Variants in CARMIL1 observed in about 807,000 individuals in gnomAD.
CARMIL1 encodes F-actin-uncapping protein LRRC16A.
In CARMIL1, 90 loss-of-function variants were observed where a neutral mutation model predicts 177.1. The observed-to-expected ratio is 0.51, with a 90% CI of 0.43 to 0.61. The LOEUF (loss-of-function observed/expected upper bound fraction) is 0.61, where lower values mean the gene tolerates loss of function less well. Among genes scored for constraint, CARMIL1 ranks in the 20% least tolerant of loss-of-function variants. The pLI is 0.00. For missense variants in CARMIL1, 1,380 were observed against 1,667.0 expected (o/e 0.83, Z 3.00); for synonymous variants, 577 against 606.2 (o/e 0.95, Z 0.71).
At chr6:25,416,607 T>G (rs1415569255) in intron 2 of CARMIL1, among the ~76,000 whole-genome samples, 2 of 152,198 alleles carry the variant, frequency 1.3e-5, no homozygotes, top group African/African-American at 4.8e-5. Flanking sequence ...GTTAAATATA[T>G]TTTTATGAAT....
Position 25,586,107 on chromosome 6 carries a change from C to T in CARMIL1, c.3006+4668C>T, listed in dbSNP as rs539274595. On this transcript the variant is annotated intron_variant, in intron 31 of 36. Transcript: ENST00000329474. ...GCGGCCAGGCAGAGGCGCCCCCCAT[C>T]TCCCTAACGGGACGGCTGGCCGGGC... Among the ~76,000 whole-genome samples, 1,030 of 144,550 alleles carry T rather than the reference C, an allele frequency of 7.1e-3. 27 individuals carry two copies. The highest frequency in any genetic ancestry group is 0.038 in the Middle Eastern group (9 of 236). The allele number at this position is 144,550 out of a possible 152,430, so 94.8% of individuals were successfully genotyped here.
intron 32 of CARMIL1, among the ~76,000 whole-genome samples, chr6:25,599,310 A>G (rs1417467467): frequency 6.6e-6 from 1 of 152,206 alleles, no homozygotes; most frequent in Non-Finnish European, 1.5e-5. Context: ...TCTCTGATCT[A>G]TTAAGTCAAT....
At chr6:25,599,120 C>T (rs1213295930) in intron 32 of CARMIL1, among the ~76,000 whole-genome samples, 1 of 152,168 alleles carries the variant, frequency 6.6e-6, no homozygotes, top group East Asian at 1.9e-4. Context: ...GCATCATTGG[C>T]TCTGTGGTTT....
At chr6:25,419,609 GA>G (rs1795654923) in intron 2 of CARMIL1, among the ~76,000 whole-genome samples, 1 of 152,194 alleles carries the variant, frequency 6.6e-6, no homozygotes, top group Non-Finnish European at 1.5e-5. Flanking sequence ...AGTTAGGGAT[GA>G]TTTTTTGGAA....
chr6:25,534,387 A>G, intron 24 of CARMIL1, among the ~76,000 whole-genome samples: 1 of 152,002 alleles, frequency 6.6e-6, no homozygotes, highest in Non-Finnish European at 1.5e-5. Flanking sequence ...CTCCCACTGT[A>G]AGGTGCCTCT....
chr6:25,321,090 C>A (rs6906812), intron 2 of CARMIL1, among the ~76,000 whole-genome samples: 40,814 of 149,044 alleles, frequency 0.27, 6,046 homozygotes, highest in East Asian at 0.4. Flanking sequence ...AATTCTCCAC[C>A]CATTGGTTGT....
At chr6:25,476,276 C>T (rs548033232) in intron 11 of CARMIL1, among the ~76,000 whole-genome samples, 13 of 152,284 alleles carry the variant, frequency 8.5e-5, no homozygotes, top group African/African-American at 3.1e-4. Context: ...GCGTCCCATT[C>T]ACCAGTGCTG....
intron 26 of CARMIL1, 92 bp downstream of exon 26, chr6:25,540,170 C>T: frequency 8.4e-7 from 1 of 1,192,362 alleles, no homozygotes; most frequent in Non-Finnish European, 1.1e-6. Context: ...GTTTTATAGA[C>T]TTGTATGTGT....
intron 2 of CARMIL1, among the ~76,000 whole-genome samples, chr6:25,293,581 G>A (rs1782160803): frequency 6.6e-6 from 1 of 151,472 alleles, no homozygotes; most frequent in Non-Finnish European, 1.5e-5. Context: ...GTCTCACTTT[G>A]TTGCCTAGGC....
At chr6:25,583,534 G>T (rs887441947) in intron 31 of CARMIL1, among the ~76,000 whole-genome samples, 1 of 151,778 alleles carries the variant, frequency 6.6e-6, no homozygotes, top group Non-Finnish European at 1.5e-5. Context: ...CATTGGATAA[G>T]TAGGTGGATA....
At chr6:25,415,314 C>T (rs1795260229) in intron 2 of CARMIL1, among the ~76,000 whole-genome samples, 1 of 152,070 alleles carries the variant, frequency 6.6e-6, no homozygotes, top group South Asian at 2.1e-4. Context: ...AGGTATGAGC[C>T]ACCACACCCA....
In CARMIL1 at chr6:25,515,055, G is replaced by C. The variant is rs1027376693; in HGVS notation, c.1633-620G>C. On this transcript the variant is annotated intron_variant, in intron 20 of 36. Transcript: ENST00000329474. The surrounding 1 kb of genome is among the most constrained non-coding windows in gnomAD (Gnocchi z 5.0). ...CCAGTACATCTGGGTTTGAATCCTA[G>C]TTCAGGTGCTTTCTAACAATGTAAC... 5.9e-5 allele frequency among the ~76,000 whole-genome samples: 9 copies of C among 152,248 alleles called. No homozygotes were observed. Among genetic ancestry groups the C allele is most frequent in the Non-Finnish European group, 1.3e-4 (9 of 68,044 alleles).
intron 2 of CARMIL1, among the ~76,000 whole-genome samples, chr6:25,384,080 C>T (rs1315371174): frequency 6.6e-6 from 1 of 152,196 alleles, no homozygotes; most frequent in Admixed American, 6.5e-5. Flanking sequence ...CTCAAGCGCT[C>T]CGCCCACCTT....
intron 2 of CARMIL1, among the ~76,000 whole-genome samples, chr6:25,349,446 T>C (rs1029087804): frequency 2.6e-5 from 4 of 152,260 alleles, no homozygotes; most frequent in Non-Finnish European, 5.9e-5. Flanking sequence ...GCAGATAGAC[T>C]GTTGGGACTG....
intron 29 of CARMIL1, among the ~76,000 whole-genome samples, chr6:25,561,901 C>T (rs1298900242): frequency 6.6e-6 from 1 of 152,122 alleles, no homozygotes; most frequent in East Asian, 1.9e-4. Flanking sequence ...AACTTTTTAA[C>T]TAGTAGAAAG....
chr6:25,459,269 T>TCTTTCTTTCTTTCTCTTTCTTTCTTTC (rs56094712), intron 8 of CARMIL1, among the ~76,000 whole-genome samples: 10 of 118,212 alleles, frequency 8.5e-5, no homozygotes, highest in African/African-American at 2.2e-4. Context: ...TTTCTTTCTT[T>TCTTTCTTTCTTTCTCTTTCTTTCTTTC]TTTTTTTTTT....
chr6:25,318,766 C>T (rs762691715), intron 2 of CARMIL1, among the ~76,000 whole-genome samples: 3 of 152,122 alleles, frequency 2.0e-5, no homozygotes, highest in South Asian at 4.1e-4. Context: ...ATTAGGAAGG[C>T]GAGTCAGGAA....
chr6:25,313,038 A>G (rs934104924), intron 2 of CARMIL1, among the ~76,000 whole-genome samples: 1 of 152,060 alleles, frequency 6.6e-6, no homozygotes. Context: ...CCTCTAGTGG[A>G]TGGCAGCATG....
intron 22 of CARMIL1, among the ~76,000 whole-genome samples, 160 bp from the exon 23 acceptor site, chr6:25,520,084 C>G (rs570907337): frequency 2.0e-5 from 3 of 152,274 alleles, no homozygotes; most frequent in Non-Finnish European, 2.9e-5. Flanking sequence ...GTGGTTATTA[C>G]AAAGGATAAT....
Sources: allele counts gnomAD v4.1 joint callset (sites outside exome capture counted in the v4.1 genomes callset), GRCh38; gene constraint gnomAD v4.1.1; non-coding constraint Gnocchi (gnomAD v3.1); transcripts MANE v1.5; gene names NCBI Gene and HGNC (gene_info 2026-07-23, HGNC 2026-07-21).